The following RAP1GAP2 variants were observed in gnomAD, a reference collection of about 807,000 sequenced individuals.
The protein encoded by RAP1GAP2 is rap1 GTPase-activating protein 2.
RAP1GAP2 carries 27 observed loss-of-function variants against 95.0 expected under a neutral mutation model. That is an observed-to-expected ratio of 0.28 (90% CI 0.21 to 0.39). The LOEUF (loss-of-function observed/expected upper bound fraction) is 0.39, where lower values mean the gene tolerates loss of function less well. RAP1GAP2 is among the 10% of genes least tolerant of loss of function. The probability of loss-of-function intolerance (pLI) is 1.00; values close to 1 mark genes in which losing one functional copy is unlikely to be tolerated. For synonymous variants in RAP1GAP2, 373 were observed against 380.9 expected (o/e 0.98, Z 0.24); for missense variants, 771 against 970.0 (o/e 0.79, Z 2.72).
At chr17:2,817,589 C>T (rs1444996487) in intron 2 of RAP1GAP2, among the ~76,000 whole-genome samples, 2 of 115,418 alleles carry the variant, frequency 1.7e-5, no homozygotes, top group Non-Finnish European at 4.1e-5. Context: ...GGCATGATCT[C>T]GGCTCACTGC....
At chr17:2,954,265 C>T (rs533232405) in intron 3 of RAP1GAP2, among the ~76,000 whole-genome samples, 5,154 of 151,870 alleles carry the variant, frequency 0.034, 287 homozygotes, top group African/African-American at 0.12. Flanking sequence ...CCACCATGCC[C>T]AGCTAATTTT....
Position 2,995,240 on chromosome 17 carries a change from G to A in RAP1GAP2, c.915-97G>A, listed in dbSNP as rs2304983. 0.013 allele frequency: 17,945 copies of A among 1,425,818 alleles called. 1,291 individuals carry two copies. In the East Asian group the frequency reaches 0.23, roughly 18 times the overall value. The allele number at this position is 1,425,818 out of a possible 1,614,324, so 88.3% of individuals were successfully genotyped here. ...TCAGCTCTCCTGTCTCCTCTGCTGC[G>A]TATCCTCTGCTGCGTATACTTAGGG... is the stretch of plus-strand genomic sequence containing the variant. On this transcript the variant is annotated intron_variant, in intron 12 of 24. Transcript: ENST00000254695.
At chr17:2,803,359 G>T (rs74518291) in intron 2 of RAP1GAP2, among the ~76,000 whole-genome samples, 5,991 of 152,240 alleles carry the variant, frequency 0.039, 170 homozygotes, top group East Asian at 0.093. Flanking sequence ...TTACGCAAAA[G>T]ATGGAATTTA....
At chr17:2,833,638 C>T (rs1186254554) in intron 2 of RAP1GAP2, among the ~76,000 whole-genome samples, 3 of 141,718 alleles carry the variant, frequency 2.1e-5, no homozygotes, top group Non-Finnish European at 1.5e-5. Context: ...TGCAGTGAGC[C>T]GAGATCTCGC....
chr17:2,925,502 C>T (rs1008723823), intron 3 of RAP1GAP2, among the ~76,000 whole-genome samples: 16 of 152,094 alleles, frequency 1.1e-4, no homozygotes, highest in African/African-American at 3.4e-4. Flanking sequence ...CTCACTGTCA[C>T]GAGAACAGCG....
At chr17:2,785,977 C>T (rs139876813) in intron 1 of RAP1GAP2, among the ~76,000 whole-genome samples, 13,675 of 149,960 alleles carry the variant, frequency 0.091, 764 homozygotes, top group South Asian at 0.22. Flanking sequence ...TCTCGGCTCA[C>T]CGCAACCTCC....
rs55751141 is a variant in RAP1GAP2, at chr17:3,031,759, A to T, written c.2185-652A>T. The stretch of plus-strand genomic sequence containing the variant: ...GGGTCCCGAATCCCTTCCTGAGCTC[A>T]CCAGACTATCGAGAGCTCCAGGTCC... On this transcript the variant is annotated intron_variant, in intron 23 of 24. Transcript: ENST00000254695. Among the ~76,000 whole-genome samples, 190 of 93,716 alleles carry T rather than the reference A, an allele frequency of 2.0e-3. No homozygotes were observed. In the Middle Eastern group the frequency reaches 0.033, roughly 16 times the overall value. The allele number at this position is 93,716 out of a possible 152,430, so 61.5% of individuals were successfully genotyped here.
At chr17:2,980,266 T>G in intron 8 of RAP1GAP2, 21 bp from the exon 9 acceptor site, 1 of 1,612,994 alleles carries the variant, frequency 6.2e-7, no homozygotes, top group Non-Finnish European at 8.5e-7. Context: ...GGGATGTCCT[T>G]TTTTCTCCCG....
At chr17:2,932,231 G>T (rs987682904) in intron 3 of RAP1GAP2, among the ~76,000 whole-genome samples, 1 of 152,098 alleles carries the variant, frequency 6.6e-6, no homozygotes, top group Non-Finnish European at 1.5e-5. Context: ...CCTCCTTCGC[G>T]CTGAAGCAGA....
rs1159802385 is a variant in RAP1GAP2 at position 2,797,981 on chromosome 17, C to T, written c.44+1410C>T. Among the ~76,000 whole-genome samples the T allele has an allele frequency of 6.6e-6, 1 of 152,176 alleles. No homozygotes were observed. The highest frequency in any genetic ancestry group is 1.5e-5 in the Non-Finnish European group (1 of 68,034). On this transcript the variant is annotated intron_variant, in intron 1 of 24. Transcript: ENST00000254695. The surrounding 1 kb of genome is among the most constrained non-coding windows in gnomAD (Gnocchi z 5.6). ...CGGGTGCACAGGTCCCGGTCTCAGC[C>T]TAGCTTCATTCCATATGAAGCCCTC...
At chr17:2,803,525 A>G (rs1247323809) in intron 2 of RAP1GAP2, among the ~76,000 whole-genome samples, 1 of 152,354 alleles carries the variant, frequency 6.6e-6, no homozygotes, top group Admixed American at 6.5e-5. Context: ...TTCACATAGA[A>G]GTTCAAAGAT....
chr17:2,837,825 C>T (rs965495353), intron 2 of RAP1GAP2, among the ~76,000 whole-genome samples: 4 of 151,602 alleles, frequency 2.6e-5, no homozygotes, highest in Admixed American at 2.6e-4. Flanking sequence ...CCAGGATGGT[C>T]TCGATCCCCT....
rs750211323 is a variant in RAP1GAP2 at position 2,903,571 on chromosome 17, C to T, written c.81-1713C>T. Among the ~76,000 whole-genome samples the T allele has an allele frequency of 1.6e-4, 25 of 152,282 alleles. No homozygotes were observed. Among genetic ancestry groups the T allele is most frequent in the Admixed American group, 6.5e-4 (10 of 15,306 alleles). Reference sequence around the variant, plus strand: ...TGAGCCAGTTACAGCCTGGATCAGGCGGGAGAGTCCCCCCTCTCCAGCCAT... The same window carrying T: ...TGAGCCAGTTACAGCCTGGATCAGGTGGGAGAGTCCCCCCTCTCCAGCCAT... On this transcript the variant is annotated intron_variant, in intron 2 of 24. Coordinates refer to ENST00000254695, the MANE Select transcript of RAP1GAP2 (RefSeq NM_015085.5). This position sits in a 1 kb window ranked among gnomAD's most constrained non-coding sequence, Gnocchi z 4.1.
chr17:2,985,401 G>C (rs2045519318), intron 11 of RAP1GAP2, among the ~76,000 whole-genome samples: 2 of 152,246 alleles, frequency 1.3e-5, no homozygotes, highest in South Asian at 4.1e-4. Flanking sequence ...AGCATAGGCT[G>C]CTCTCTCCTT....
At chr17:3,025,743 C>T (rs1458528564) in intron 19 of RAP1GAP2, among the ~76,000 whole-genome samples, 1 of 152,136 alleles carries the variant, frequency 6.6e-6, no homozygotes, top group Admixed American at 6.5e-5. Context: ...GGCTAGAGGC[C>T]GTCAAGCCAG....
At position 2,965,263 on chromosome 17, in the gene RAP1GAP2, T is replaced by G; in HGVS notation, c.493-277T>G. ...GGCAGTGACTTAACCCCCCGACCAT[T>G]GGTTTTCCCATCTGTGAAATGGGGA... On this transcript the variant is annotated intron_variant, in intron 7 of 24. Transcript: ENST00000254695. This position sits in a 1 kb window ranked among gnomAD's most constrained non-coding sequence, Gnocchi z 4.7. 1 of 459,308 alleles carries G rather than the reference T, an allele frequency of 2.2e-6. No individual in the cohort carries two copies. The highest frequency in any genetic ancestry group is 4.0e-6 in the Non-Finnish European group (1 of 252,028). 28.5% of individuals were successfully genotyped at this position (459,308 alleles called of 1,614,324 possible).
chr17:3,005,566 G>C lies in RAP1GAP2; in HGVS notation c.1272+126G>C, dbSNP rs528742666. 2 of 1,108,240 alleles carry C rather than the reference G, an allele frequency of 1.8e-6. No individual in the cohort carries two copies. The highest frequency in any genetic ancestry group is 1.5e-5 in the African/African-American group (1 of 64,880). The allele number at this position is 1,108,240 out of a possible 1,614,324, so 68.7% of individuals were successfully genotyped here. A position where few individuals can be genotyped will look rare whatever the true frequency, so the allele number is the denominator to read the frequency against. On this transcript the variant is annotated intron_variant, in intron 15 of 24. Coordinates refer to ENST00000254695, the MANE Select transcript of RAP1GAP2 (RefSeq NM_015085.5). This position sits in a 1 kb window ranked among gnomAD's most constrained non-coding sequence, Gnocchi z 5.2. The stretch of plus-strand genomic sequence containing the variant: ...TAGGGAGCTCCTTTTGCAGGTTTTG[G>C]GGGGAACCTCCTTTCTTGGGGTCTC...
intron 10 of RAP1GAP2, 124 bp from the exon 11 acceptor site, chr17:2,984,859 T>C: frequency 2.0e-6 from 3 of 1,495,292 alleles, no homozygotes; most frequent in South Asian, 2.6e-5. Context: ...CCTCCGTGTA[T>C]GTGGATGTTT....
At chr17:2,921,731 G>C (rs2042784966) in intron 3 of RAP1GAP2, among the ~76,000 whole-genome samples, 1 of 151,996 alleles carries the variant, frequency 6.6e-6, no homozygotes, top group Non-Finnish European at 1.5e-5. Context: ...CCGTTAAGGT[G>C]TCAGCAGGAC....
Sources: allele counts gnomAD v4.1 joint callset (sites outside exome capture counted in the v4.1 genomes callset), GRCh38; gene constraint gnomAD v4.1.1; non-coding constraint Gnocchi (gnomAD v3.1); transcripts MANE v1.5; gene names NCBI Gene and HGNC (gene_info 2026-07-23, HGNC 2026-07-21).